The following SOCS2 variants were observed in gnomAD, a reference collection of about 807,000 sequenced individuals.
SOCS2 encodes the protein suppressor of cytokine signaling 2, also known as CIS-2.
Under a neutral mutation model 18.6 loss-of-function variants are expected in SOCS2, and 10 were observed. The observed-to-expected ratio is 0.54, with a 90% CI of 0.33 to 0.91. The LOEUF (loss-of-function observed/expected upper bound fraction) is 0.91. SOCS2 is among the 40% of genes least tolerant of loss of function. The probability of loss-of-function intolerance (pLI) is 0.02; values close to 1 mark genes in which losing one functional copy is unlikely to be tolerated. For missense variants in SOCS2, 231 were observed against 247.2 expected (o/e 0.93, Z 0.44); for synonymous variants, 104 against 104.0 (o/e 1.00, Z 0.00).
chr12:93,588,304 A>T (rs1295364435), downstream of SOCS2, among the ~76,000 whole-genome samples: 1 of 152,238 alleles, frequency 6.6e-6, no homozygotes, highest in Non-Finnish European at 1.5e-5. Flanking sequence ...TAGATATTAG[A>T]CTCACTGCCA....
At chr12:93,614,905 C>T in the SOCS2 span, among the ~76,000 whole-genome samples, 12 of 150,296 alleles carry the variant, frequency 8.0e-5, no homozygotes, top group Non-Finnish European at 1.5e-4. Context: ...TGAGCCACAG[C>T]GCCCGGCGCC....
exon 2 of SOCS2, chr12:93,583,127 G>A (rs1021102373): frequency 6.7e-6 from 1 of 149,604 alleles, no homozygotes; most frequent in African/African-American, 2.5e-5. Flanking sequence ...GTTTTTAGAT[G>A]TTGGTTGTCA....
the SOCS2 span, among the ~76,000 whole-genome samples, chr12:93,621,565 C>T: frequency 2.6e-5 from 4 of 152,154 alleles, no homozygotes; most frequent in Non-Finnish European, 4.4e-5. Flanking sequence ...CAGCCTCGAA[C>T]GGTCAGGCTT....
chr12:93,601,332 C>T, the SOCS2 span, among the ~76,000 whole-genome samples: 6 of 152,018 alleles, frequency 3.9e-5, no homozygotes, highest in Admixed American at 2.0e-4. Flanking sequence ...TGGAGTGCAG[C>T]GGTGTGGTCT....
chr12:93,585,242 A>G (rs552943956), downstream of SOCS2, among the ~76,000 whole-genome samples: 5 of 151,034 alleles, frequency 3.3e-5, no homozygotes, highest in East Asian at 7.9e-4. Context: ...TTAAAACAAT[A>G]AAGATTTCTA....
At chr12:93,614,478 C>CCTTCCTTCCTTCCTTTCTTTCTTTCTTT in the SOCS2 span, among the ~76,000 whole-genome samples, 1 of 49,426 alleles carries the variant, frequency 2.0e-5, no homozygotes, top group African/African-American at 1.4e-4. Context: ...TTCCTTCCTT[C>CCTTCCTTCCTTCCTTTCTTTCTTTCTTT]CTTTCCTTCC....
At chr12:93,602,335 A>G in the SOCS2 span, among the ~76,000 whole-genome samples, 1 of 152,196 alleles carries the variant, frequency 6.6e-6, no homozygotes, top group Non-Finnish European at 1.5e-5. Context: ...AGGTCAAACA[A>G]TCCTCCTGCC....
At chr12:93,597,168 G>A in the SOCS2 span, among the ~76,000 whole-genome samples, 7 of 152,194 alleles carry the variant, frequency 4.6e-5, no homozygotes, top group African/African-American at 1.4e-4. Context: ...GTAGTTCTGT[G>A]CCATTTTATT....
chr12:93,573,554 C>T (rs374592181), intron 1 of SOCS2: 200 of 222,638 alleles, frequency 9.0e-4, no homozygotes, highest in African/African-American at 4.2e-3. Flanking sequence ...CCGAGCGCGG[C>T]TTCCATGGTC....
the SOCS2 span, among the ~76,000 whole-genome samples, chr12:93,603,679 T>A: frequency 6.6e-6 from 1 of 152,248 alleles, no homozygotes; most frequent in South Asian, 2.1e-4. Flanking sequence ...GTTCCCTTTT[T>A]TACAGAGAAA....
the SOCS2 span, among the ~76,000 whole-genome samples, chr12:93,611,790 A>T: frequency 6.6e-6 from 1 of 152,142 alleles, no homozygotes; most frequent in East Asian, 1.9e-4. Context: ...CTAATATTTT[A>T]TTGTATTGTT....
At chr12:93,615,898 G>C in the SOCS2 span, among the ~76,000 whole-genome samples, 9 of 152,196 alleles carry the variant, frequency 5.9e-5, no homozygotes, top group Non-Finnish European at 1.5e-5. Context: ...GCCTGGCCTA[G>C]AGTGTGAAAG....
downstream of SOCS2, among the ~76,000 whole-genome samples, chr12:93,585,990 T>C (rs1954582549): frequency 6.6e-6 from 1 of 152,258 alleles, no homozygotes; most frequent in South Asian, 2.1e-4. Flanking sequence ...ATAGTTGTTA[T>C]ACTATATTTT....
At chr12:93,583,600 G>A (rs1954565657), downstream of SOCS2, 1 of 152,102 alleles carries the variant, frequency 6.6e-6, no homozygotes, top group African/African-American at 2.4e-5. Flanking sequence ...GTAATCAGAT[G>A]TCTCAAGCAG....
At chr12:93,614,539 C>CTT in the SOCS2 span, among the ~76,000 whole-genome samples, 1 of 82,522 alleles carries the variant, frequency 1.2e-5, no homozygotes, top group Non-Finnish European at 2.1e-5. Context: ...TTCCTTCCTT[C>CTT]CTTCTTTCTT....
the SOCS2 span, among the ~76,000 whole-genome samples, chr12:93,614,998 G>C: frequency 1.3e-5 from 2 of 150,954 alleles, no homozygotes; most frequent in African/African-American, 2.4e-5. Context: ...AAGGATCCTA[G>C]GGAGAAATTG....
At chr12:93,588,615 A>AT in the SOCS2 span, among the ~76,000 whole-genome samples, 5,757 of 141,070 alleles carry the variant, frequency 0.041, 334 homozygotes, top group African/African-American at 0.13. Flanking sequence ...GAGACAGTGA[A>AT]TTTTTTTTTT....
chr12:93,606,128 C>T, the SOCS2 span, among the ~76,000 whole-genome samples: 4 of 152,170 alleles, frequency 2.6e-5, no homozygotes, highest in Non-Finnish European at 5.9e-5. Flanking sequence ...TGGCTCTTGA[C>T]TCTCCACTAC....
chr12:93,594,283 A>C, the SOCS2 span, among the ~76,000 whole-genome samples: 1 of 152,186 alleles, frequency 6.6e-6, no homozygotes, highest in Admixed American at 6.5e-5. Context: ...AAAATAGAAA[A>C]TTGCAATAGA....
Sources: gnomAD v4.1 joint callset for allele counts (sites outside exome capture counted in the v4.1 genomes callset) on GRCh38, gnomAD v4.1.1 for gene constraint, MANE v1.5 for transcripts, NCBI Gene and HGNC (gene_info 2026-07-23, HGNC 2026-07-21) for gene names.